Variants in MYT1L observed in about 807,000 individuals in gnomAD.
The protein encoded by MYT1L is myelin transcription factor 1 like.
A neutral mutation model predicts 126.7 loss-of-function variants in MYT1L; 12 were observed. The observed-to-expected ratio is 0.09, with a 90% CI of 0.06 to 0.15. The LOEUF (loss-of-function observed/expected upper bound fraction) is 0.15. Ranked by LOEUF, MYT1L falls within the 10% of genes least tolerant of loss-of-function variation. MYT1L has a pLI of 1.00. For synonymous variants in MYT1L, 541 were observed against 604.2 expected (o/e 0.90, Z 1.53); for missense variants, 979 against 1,585.2 (o/e 0.62, Z 6.49).
At chr2:2,087,902 G>C (rs373360847) in intron 3 of MYT1L, among the ~76,000 whole-genome samples, 56 of 152,252 alleles carry the variant, frequency 3.7e-4, no homozygotes, top group African/African-American at 1.3e-3. Flanking sequence ...ACCACACGTG[G>C]TCTACTGGGG....
At chr2:1,974,161 G>A (rs1268676918) in intron 8 of MYT1L, among the ~76,000 whole-genome samples, 1 of 152,162 alleles carries the variant, frequency 6.6e-6, no homozygotes, top group African/African-American at 2.4e-5. Flanking sequence ...ATTGGGGACC[G>A]AAACTAAATC....
chr2:1,979,280 GA>G lies in MYT1L; in HGVS notation c.90-54del. 1 of 1,520,268 alleles carries G rather than the reference GA, an allele frequency of 6.6e-7. No homozygotes were observed. 94.2% of individuals were successfully genotyped at this position (1,520,268 alleles called of 1,614,324 possible). On this transcript the variant is annotated intron_variant, in intron 7 of 24. Transcript: ENST00000647738. The surrounding 1 kb of genome is among the most constrained non-coding windows in gnomAD (Gnocchi z 4.0). The stretch of plus-strand genomic sequence containing the variant: ...GTGCCGCAGGCAGGCAGGTGAGACG[GA>G]AAGCTTCCGTGGCAGCAGAGAGAAG...
chr2:2,116,674 A>G (rs1421847125), intron 3 of MYT1L, among the ~76,000 whole-genome samples: 1 of 152,248 alleles, frequency 6.6e-6, no homozygotes, highest in African/African-American at 2.4e-5. Context: ...GGGTTAGAAG[A>G]TGCCTCTCAG....
chr2:2,320,081 C>T (rs2096135197), intron 1 of MYT1L, among the ~76,000 whole-genome samples: 1 of 152,014 alleles, frequency 6.6e-6, no homozygotes, highest in African/African-American at 2.4e-5. Context: ...AATGCAGAAT[C>T]TAAAAATAAT....
chr2:1,896,838 A>C (rs1350878966), intron 14 of MYT1L, among the ~76,000 whole-genome samples: 1 of 150,668 alleles, frequency 6.6e-6, no homozygotes, highest in Non-Finnish European at 1.5e-5. Flanking sequence ...ATGTGACAAC[A>C]TTTTACTTGA....
chr2:2,190,876 C>T (rs574954667), intron 2 of MYT1L, among the ~76,000 whole-genome samples: 1 of 152,312 alleles, frequency 6.6e-6, no homozygotes, highest in South Asian at 2.1e-4. Flanking sequence ...ACCTCCACCT[C>T]CCAGGTTCAA....
In MYT1L at chr2:1,974,220, G is replaced by A. The variant is rs559717727; in HGVS notation, c.152+4945C>T. 3.9e-5 allele frequency among the ~76,000 whole-genome samples: 6 copies of A among 152,232 alleles called. No homozygotes were observed. In the East Asian group the frequency reaches 1.2e-3, roughly 30 times the overall value. On this transcript the variant is annotated intron_variant, in intron 8 of 24. Coordinates refer to ENST00000647738, the MANE Select transcript of MYT1L (RefSeq NM_001303052.2). Reference sequence around the variant, plus strand: ...TGAGGTTTGCTTTGTGAGCTTGGTGGCTGGACACCAGGTTTGAGGCACCAG... The same window carrying A: ...TGAGGTTTGCTTTGTGAGCTTGGTGACTGGACACCAGGTTTGAGGCACCAG...
At chr2:2,279,314 G>A (rs1359526820) in intron 2 of MYT1L, among the ~76,000 whole-genome samples, 1 of 151,992 alleles carries the variant, frequency 6.6e-6, no homozygotes, top group Non-Finnish European at 1.5e-5. Context: ...ATAGTTCAAA[G>A]TATGGAGGAC....
chr2:2,164,478 C>T (rs1198091695), intron 3 of MYT1L, among the ~76,000 whole-genome samples: 2 of 152,154 alleles, frequency 1.3e-5, no homozygotes, highest in Non-Finnish European at 2.9e-5. Context: ...GCTGCTTCAT[C>T]AGTGTGGGTC....
chr2:1,857,052 G>A (rs1347022483), intron 18 of MYT1L, among the ~76,000 whole-genome samples: 4 of 152,180 alleles, frequency 2.6e-5, no homozygotes, highest in African/African-American at 9.7e-5. Context: ...AGGCCTGGGA[G>A]GCAGGGCCTG....
At chr2:1,931,877 C>T (rs116448738) in intron 9 of MYT1L, among the ~76,000 whole-genome samples, 112 of 152,238 alleles carry the variant, frequency 7.4e-4, no homozygotes, top group African/African-American at 2.6e-3. Context: ...AGGAAAGGAG[C>T]GTGCATCACC....
intron 2 of MYT1L, among the ~76,000 whole-genome samples, chr2:2,199,456 G>A (rs992806536): frequency 2.0e-5 from 3 of 152,252 alleles, no homozygotes; most frequent in South Asian, 2.1e-4. Flanking sequence ...GGGGTATAGC[G>A]TGATCCCCCG....
At chr2:1,855,979 T>C (rs2043864770) in intron 18 of MYT1L, among the ~76,000 whole-genome samples, 1 of 152,210 alleles carries the variant, frequency 6.6e-6, no homozygotes, top group South Asian at 2.1e-4. Context: ...GTGTCTTGTA[T>C]AGACATTTAC....
In MYT1L at chr2:1,887,375, CT is replaced by C; in HGVS notation, c.2642+112del. On this transcript the variant is annotated intron_variant, in intron 17 of 24. Coordinates refer to ENST00000647738, the MANE Select transcript of MYT1L (RefSeq NM_001303052.2). The surrounding 1 kb of genome is among the most constrained non-coding windows in gnomAD (Gnocchi z 4.8). ...CCCAGCAGTCGGAAACATTTATATG[CT>C]GCGAATGTCGCATGCTCAAACGGCA... 7.2e-7 allele frequency: 1 copy of C among 1,385,794 alleles called. No individual in the cohort carries two copies. The highest frequency in any genetic ancestry group is 2.3e-5 in the East Asian group (1 of 43,574). 85.8% of individuals were successfully genotyped at this position (1,385,794 alleles called of 1,614,324 possible). A position where few individuals can be genotyped will look rare whatever the true frequency, so the allele number is the denominator to read the frequency against.
Position 2,166,412 on chromosome 2 carries a change from T to C in MYT1L, c.-304+6460A>G, listed in dbSNP as rs368687250. ...TACATCTCTATGTTAGCAATAAATA[T>C]TGAATAAGACTCTACATGCATAACT... On this transcript the variant is annotated intron_variant, in intron 3 of 24. Transcript: ENST00000647738. Among the ~76,000 whole-genome samples the C allele has an allele frequency of 5.0e-4, 76 of 152,356 alleles. 1 individual carries two copies. The highest frequency in any genetic ancestry group is 1.5e-3 in the African/African-American group (64 of 41,582).
intron 8 of MYT1L, among the ~76,000 whole-genome samples, chr2:1,966,768 G>A (rs1315902122): frequency 7.6e-6 from 1 of 131,582 alleles, no homozygotes; most frequent in Non-Finnish European, 1.6e-5. Flanking sequence ...ATGTTATAAT[G>A]TTAAGTGAAA....
chr2:2,189,725 C>T (rs1173462855), intron 2 of MYT1L, among the ~76,000 whole-genome samples: 1 of 152,164 alleles, frequency 6.6e-6, no homozygotes, highest in Non-Finnish European at 1.5e-5. Context: ...GTAACTGAAC[C>T]TGGTGAGAAG....
At chr2:2,096,224 A>G (rs868726595) in intron 3 of MYT1L, among the ~76,000 whole-genome samples, 12 of 152,190 alleles carry the variant, frequency 7.9e-5, no homozygotes, top group African/African-American at 2.4e-4. Context: ...CACCCAAGGC[A>G]GGTCTGTCCA....
At chr2:2,122,961 GGA>G (rs1191961282) in intron 3 of MYT1L, among the ~76,000 whole-genome samples, 1 of 151,878 alleles carries the variant, frequency 6.6e-6, no homozygotes, top group East Asian at 1.9e-4. Flanking sequence ...AGGGACAGTA[GGA>G]GAGAGAGCTT....
Sources: gnomAD v4.1 joint callset for allele counts (sites outside exome capture counted in the v4.1 genomes callset) on GRCh38, gnomAD v4.1.1 for gene constraint, Gnocchi (gnomAD v3.1) non-coding constraint, MANE v1.5 for transcripts, NCBI Gene and HGNC (gene_info 2026-07-23, HGNC 2026-07-21) for gene names.